Variants in CEP350 observed in about 807,000 individuals in gnomAD.
CEP350 encodes the protein centrosomal protein 350, also known as centrosome-associated protein 350.
Under a neutral mutation model 331.8 loss-of-function variants are expected in CEP350, and 126 were observed. The ratio of observed to expected loss-of-function variants is 0.38; its 90% CI spans 0.33 to 0.44. CEP350 has a LOEUF of 0.44. CEP350 is among the 20% of genes least tolerant of loss of function. The pLI is 1.00. For synonymous variants in CEP350, 1,200 were observed against 1,259.5 expected (o/e 0.95, Z 1.00); for missense variants, 3,406 against 3,634.6 (o/e 0.94, Z 1.62).
intron 3 of CEP350, among the ~76,000 whole-genome samples, chr1:179,989,092 C>T (rs1395145301): frequency 2.0e-5 from 3 of 151,934 alleles, no homozygotes. Context: ...GTAGGGGAGA[C>T]AATCTGATGT....
At chr1:180,064,934 T>A (rs1369716547) in intron 26 of CEP350, among the ~76,000 whole-genome samples, 181 bp from the exon 27 acceptor site, 1 of 152,204 alleles carries the variant, frequency 6.6e-6, no homozygotes, top group African/African-American at 2.4e-5. Context: ...ATATACATAA[T>A]ATGAAATGTA....
At position 180,090,694 on chromosome 1, in the gene CEP350, C is replaced by T. The variant is rs1285243070; in HGVS notation, c.6426-20C>T. The T allele has an allele frequency of 3.3e-6, 5 of 1,533,718 alleles. No homozygotes were observed. In the South Asian group the frequency reaches 4.9e-5, roughly 15 times the overall value. On this transcript the variant is annotated intron_variant, in intron 32 of 37. Transcript: ENST00000367607. ...TTATAGTAATATGTTTATTTCTGCTCATTAATTTTTACACGTCAGATCTGA... is the reference window on the plus strand; with the variant it reads ...TTATAGTAATATGTTTATTTCTGCTTATTAATTTTTACACGTCAGATCTGA...
intron 26 of CEP350, among the ~76,000 whole-genome samples, chr1:180,064,783 C>T (rs533562455): frequency 6.6e-6 from 1 of 151,984 alleles, no homozygotes; most frequent in South Asian, 2.1e-4. Flanking sequence ...AGTGGTCCAA[C>T]TTTGAAATCT....
intron 33 of CEP350, among the ~76,000 whole-genome samples, chr1:180,091,258 G>A (rs2149125725): frequency 6.6e-6 from 1 of 151,504 alleles, no homozygotes; most frequent in African/African-American, 2.4e-5. Context: ...GACTCACGCA[G>A]TCCTCCCACC....
intron 15 of CEP350, among the ~76,000 whole-genome samples, 164 bp downstream of exon 15, chr1:180,031,658 A>C (rs1656030988): frequency 6.6e-6 from 1 of 152,116 alleles, no homozygotes; most frequent in African/African-American, 2.4e-5. Flanking sequence ...CTTTGTTCAC[A>C]GCTCTAATCT....
chr1:180,087,667 C>G lies in CEP350; in HGVS notation c.6375C>G (p.Leu2125=), dbSNP rs1244906689. 3 of 1,581,296 alleles carry G rather than the reference C, an allele frequency of 1.9e-6. No homozygotes were observed. Among genetic ancestry groups the G allele is most frequent in the African/African-American group, 2.7e-5 (2 of 74,102 alleles). ...CAGCCAAGCCTCAGATTAAAACGCT[C>G]TCCTCAGCTTCTGAAAAACCCAAGA... is the stretch of plus-strand genomic sequence containing the variant. ...SPTAKPQIKT[L]SSASEKPKIK... The change falls in exon 32 of 38, where the codon CTC becomes CTG. Residue 2125 remains leucine, a synonymous_variant. Coordinates refer to ENST00000367607, the MANE Select transcript of CEP350 (RefSeq NM_014810.5).
chr1:180,028,810 A>T (rs1258933612), intron 14 of CEP350, among the ~76,000 whole-genome samples: 1 of 152,144 alleles, frequency 6.6e-6, no homozygotes, highest in African/African-American at 2.4e-5. Flanking sequence ...CTCAAAAAAA[A>T]AGAAAAAATC....
In CEP350 at chr1:179,999,230, T is replaced by A. The variant is rs1653694029; in HGVS notation, c.1018+2055T>A. On this transcript the variant is annotated intron_variant, in intron 6 of 37. Transcript: ENST00000367607. ...AAAATGTTCCATTTGAATTCATATT[T>A]TGTAATAATTTATAAAAACCTAAAA... Among the ~76,000 whole-genome samples the A allele has an allele frequency of 2.0e-5, 3 of 152,282 alleles. No homozygotes were observed. The South Asian group carries it at 6.2e-4, about 32-fold the overall frequency.
intron 18 of CEP350, 29 bp from the exon 19 acceptor site, chr1:180,041,633 C>T (rs751503682): frequency 1.3e-6 from 2 of 1,587,388 alleles, no homozygotes; most frequent in Admixed American, 3.6e-5. Flanking sequence ...TAAAACATAA[C>T]TTCTTTTTTA....
intron 27 of CEP350, chr1:180,073,863 A>G (rs1487833224): frequency 1.7e-5 from 22 of 1,304,478 alleles, no homozygotes; most frequent in Admixed American, 2.3e-5. Context: ...TGTTTTCCCA[A>G]CCTTCATCCC....
Position 179,992,199 on chromosome 1 carries a change from C to A in CEP350, c.373C>A (p.Arg125Ser). ...NVKKNNRVEF[R>S]EPLVSYREIH... ...GAAGAAAAATAATCGTGTGGAATTTCGTGAACCTTTGGTTTCTTATAGGTT... is the reference window on the plus strand; with the variant it reads ...GAAGAAAAATAATCGTGTGGAATTTAGTGAACCTTTGGTTTCTTATAGGTT... The change falls in exon 5 of 38, where the codon CGT becomes AGT. Residue 125 changes from arginine (R) to serine (S), a missense_variant. Physicochemically the swap from Arg to Ser is moderately radical, Grantham distance 110. Around this residue, in one of 5 missense-constraint regions of CEP350, gnomAD observed 1,857 missense variants for 1,909.2 expected, o/e 0.97. Coordinates refer to ENST00000367607, the MANE Select transcript of CEP350 (RefSeq NM_014810.5). 6.7e-7 allele frequency: 1 copy of A among 1,497,010 alleles called. No individual in the cohort carries two copies. Among genetic ancestry groups the A allele is most frequent in the South Asian group, 1.4e-5 (1 of 73,428 alleles). The allele number at this position is 1,497,010 out of a possible 1,614,324, so 92.7% of individuals were successfully genotyped here.
rs1269217245 is a variant in CEP350, at chr1:180,034,082, G to A, written c.3946G>A (p.Gly1316Ser). ...GACAGAGAACATGGCTCCAATACCA[G>A]GTAAGTAGATTCATGCAATTGTAAT... is the stretch of plus-strand genomic sequence containing the variant. ...TTTENMAPIP[G>S]SKRFSPAGLH... Residue 1316 changes from glycine (G) to serine (S), a missense_variant and splice_region_variant, in exon 16 of 38, where the codon GGT (glycine) becomes AGT (serine). Transcript: ENST00000367607. 1 of 1,610,914 alleles carries A rather than the reference G, an allele frequency of 6.2e-7. No individual in the cohort carries two copies. The highest frequency in any genetic ancestry group is 1.1e-5 in the South Asian group (1 of 90,588).
chr1:180,019,827 A>G (rs1326235319), intron 11 of CEP350, 122 bp from the exon 12 acceptor site: 2 of 745,446 alleles, frequency 2.7e-6, no homozygotes, highest in Non-Finnish European at 3.9e-6. Flanking sequence ...TATCTTTTTT[A>G]TATTTTTTAT....
intron 25 of CEP350, among the ~76,000 whole-genome samples, chr1:180,060,875 T>C (rs1658188864): frequency 6.6e-6 from 1 of 152,082 alleles, no homozygotes; most frequent in Non-Finnish European, 1.5e-5. Context: ...TAAGCACAAA[T>C]ATTTTTAGAA....
At chr1:180,083,294 G>A (rs558865825) in intron 30 of CEP350, among the ~76,000 whole-genome samples, 1 of 152,328 alleles carries the variant, frequency 6.6e-6, no homozygotes, top group African/African-American at 2.4e-5. Flanking sequence ...GAAATAAGCA[G>A]TGTCTTTAAA....
Position 180,111,577 on chromosome 1 carries a change from A to G in CEP350, c.*416A>G, listed in dbSNP as rs1418007003. On this transcript the variant is annotated 3_prime_UTR_variant, in exon 38 of 38. Transcript: ENST00000367607. The stretch of plus-strand genomic sequence containing the variant: ...CTGGTCTATACCATGGAAGTCATAA[A>G]TGGACATTATAGTCTCTAAACAGTA... 6.4e-6 allele frequency: 1 copy of G among 156,288 alleles called. No homozygotes were observed. Among genetic ancestry groups the G allele is most frequent in the Non-Finnish European group, 1.4e-5 (1 of 70,600 alleles). The allele number at this position is 156,288 out of a possible 1,614,324, so 9.7% of individuals were successfully genotyped here. A position where few individuals can be genotyped will look rare whatever the true frequency, so the allele number is the denominator to read the frequency against.
intron 27 of CEP350, among the ~76,000 whole-genome samples, chr1:180,069,754 C>G (rs1232487059): frequency 6.6e-6 from 1 of 152,038 alleles, no homozygotes; most frequent in African/African-American, 2.4e-5. Context: ...ATTAAAGATG[C>G]TAAAGTACTC....
intron 1 of CEP350, 70 bp downstream of exon 1, chr1:179,955,212 C>T (rs904780957): frequency 2.5e-6 from 3 of 1,200,004 alleles, no homozygotes; most frequent in Middle Eastern, 2.3e-4. Context: ...GTCCGCGGTC[C>T]CGGGTCCCCG....
In CEP350 at chr1:180,026,446, A is replaced by G. The variant is rs114791610; in HGVS notation, c.3550+1864A>G. Among the ~76,000 whole-genome samples, 1,049 of 152,248 alleles carry G rather than the reference A, an allele frequency of 6.9e-3. 17 individuals carry two copies. Among genetic ancestry groups the G allele is most frequent in the African/African-American group, 0.024 (994 of 41,530 alleles). ...AGGCATAAGCCATTGCCCTCTGCCT[A>G]TTTTAATTGTGGTAAAATATACATG... On this transcript the variant is annotated intron_variant, in intron 14 of 37. Coordinates refer to ENST00000367607, the MANE Select transcript of CEP350 (RefSeq NM_014810.5).
Sources: allele counts gnomAD v4.1 joint callset (sites outside exome capture counted in the v4.1 genomes callset), GRCh38; gene constraint gnomAD v4.1.1; regional missense constraint gnomAD v4.1.1; transcripts MANE v1.5; gene names NCBI Gene and HGNC (gene_info 2026-07-23, HGNC 2026-07-21).